Variants in KIF2C observed in about 807,000 individuals in gnomAD.
The protein encoded by KIF2C is kinesin family member 2C.
KIF2C carries 34 observed loss-of-function variants against 97.4 expected under a neutral mutation model. The ratio of observed to expected loss-of-function variants is 0.35; its 90% CI spans 0.27 to 0.46. The LOEUF is 0.46. Ranked by LOEUF, KIF2C falls within the 20% of genes least tolerant of loss-of-function variation. The pLI, the probability that KIF2C is intolerant of heterozygous loss-of-function variation, is 1.00. For synonymous variants in KIF2C, 313 were observed against 318.2 expected, an observed-to-expected ratio of 0.98 and a Z score of 0.17; for missense variants, 750 against 907.6, an observed-to-expected ratio of 0.83 and a Z score of 2.23.
Position 44,745,908 on chromosome 1 carries a change from G to A in KIF2C, c.166-1476G>A, listed in dbSNP as rs542776408. 3.3e-5 allele frequency among the ~76,000 whole-genome samples: 5 copies of A among 150,242 alleles called. No homozygotes were observed. In the South Asian group the frequency reaches 8.4e-4, roughly 25 times the overall value. On this transcript the variant is annotated intron_variant, in intron 2 of 20. Transcript: ENST00000372224. ...TCTTTTTTTTTTGAGACGGAGTCTC[G>A]CTGTGTCGCCCAGGCTGGAGTGCAG...
In KIF2C at chr1:44,760,431, C is replaced by G. The variant is rs201892340; in HGVS notation, c.1519C>G (p.Arg507Gly). Reference protein sequence around the residue: ...ERGADTSSADRQTRMEGAEIN... With the variant: ...ERGADTSSADGQTRMEGAEIN... ...AGGCGCGGACACTTCCAGTGCTGAC[C>G]GGCAGACCCGCATGGAGGGCGCAGA... is the stretch of plus-strand genomic sequence containing the variant. Residue 507 changes from arginine to glycine, a missense_variant, in exon 15 of 21, where the codon CGG becomes GGG. Transcript: ENST00000372224. The surrounding 1 kb of genome is among the most constrained non-coding windows in gnomAD (Gnocchi z 4.2). 2.8e-4 allele frequency: 453 copies of G among 1,614,072 alleles called. No homozygotes were observed. Among genetic ancestry groups the G allele is most frequent in the Non-Finnish European group, 3.4e-4 (406 of 1,180,052 alleles).
At position 44,747,385 on chromosome 1, in the gene KIF2C, T is replaced by C; in HGVS notation, c.167T>C (p.Ile56Thr). ...GAAACTTTTACTTGCTCCTTGCAGATTGATTTTGATGATGTGGCTGCAATA... is the reference window on the plus strand; with the variant it reads ...GAAACTTTTACTTGCTCCTTGCAGACTGATTTTGATGATGTGGCTGCAATA... Reference protein sequence around the residue: ...AEGGATKGKEIDFDDVAAINP... With the variant: ...AEGGATKGKETDFDDVAAINP... Residue 56 changes from isoleucine to threonine, a missense_variant and splice_region_variant, in exon 3 of 21, where the codon ATT (isoleucine) becomes ACT (threonine). By Grantham distance (89) the Ile-to-Thr change is moderately conservative. Transcript: ENST00000372224. The C allele has an allele frequency of 1.2e-6, 2 of 1,608,474 alleles. No homozygotes were observed. Among genetic ancestry groups the C allele is most frequent in the Non-Finnish European group, 1.7e-6 (2 of 1,177,608 alleles).
At chr1:44,766,420 T>C (rs1650466792) in intron 19 of KIF2C, among the ~76,000 whole-genome samples, 1 of 151,960 alleles carries the variant, frequency 6.6e-6, no homozygotes, top group Admixed American at 6.6e-5. Context: ...GAGATCAGCC[T>C]GGCCAACATG....
chr1:44,754,380 A>G (rs1649704209), intron 7 of KIF2C, among the ~76,000 whole-genome samples: 1 of 152,186 alleles, frequency 6.6e-6, no homozygotes, highest in African/African-American at 2.4e-5. Context: ...CGTGATGGCC[A>G]GAGGGGCTGC....
chr1:44,754,786 C>G lies in KIF2C; in HGVS notation c.700C>G (p.Arg234Gly). The change falls in exon 8 of 21, where the codon CGA becomes GGA. Residue 234 changes from arginine (R) to glycine (G), a missense_variant. Physicochemically the swap from Arg to Gly is moderately radical, Grantham distance 125. Transcript: ENST00000372224. ...DSSFPNWEFA[R>G]MIKEFRATLE... ...TAGTTTTCCAAACTGGGAATTTGCC[C>G]GAATGATTAAAGAATTTCGGGCTAC... 1 of 1,613,402 alleles carries G rather than the reference C, an allele frequency of 6.2e-7. No individual in the cohort carries two copies.
At position 44,753,833 on chromosome 1, in the gene KIF2C, G is replaced by C. The variant is rs1170332755; in HGVS notation, c.663G>C (p.Gln221His). 1 of 1,594,234 alleles carries C rather than the reference G, an allele frequency of 6.3e-7. No homozygotes were observed. Among genetic ancestry groups the C allele is most frequent in the Non-Finnish European group, 8.6e-7 (1 of 1,168,458 alleles). Residue 221 changes from glutamine to histidine, a missense_variant and splice_region_variant, in exon 7 of 21, where the codon CAG becomes CAC. Physicochemically the swap from Gln to His is conservative, Grantham distance 24 (BLOSUM62 0). Coordinates refer to ENST00000372224, the MANE Select transcript of KIF2C (RefSeq NM_006845.4). The part of the protein sequence containing the change: ...QNSEMRMKRA[Q>H]EYDSSFPNWE... The stretch of plus-strand genomic sequence containing the variant: ...CTGAAATGAGAATGAAGAGAGCTCA[G>C]GTACCTTTCTTGGGAGACTAGGGTA...
chr1:44,764,559 G>C (rs916059272), intron 19 of KIF2C, among the ~76,000 whole-genome samples: 2 of 151,782 alleles, frequency 1.3e-5, no homozygotes, highest in Admixed American at 6.6e-5. Flanking sequence ...CCCCAGGCTG[G>C]AGTGCAACGG....
chr1:44,766,616 GAAAC>G lies in KIF2C; in HGVS notation c.1972-206_1972-203del, dbSNP rs148289000. Among the ~76,000 whole-genome samples, 525 of 152,142 alleles carry G rather than the reference GAAAC, an allele frequency of 3.5e-3. 2 individuals are homozygous for G. The highest frequency in any genetic ancestry group is 0.012 in the African/African-American group (501 of 41,506). ...ACAAGAGTGAAACTGTCTCAAAAAA[GAAAC>G]AAAGAAAACGAAAAAAACAAGCTTG... On this transcript the variant is annotated intron_variant, in intron 19 of 20. Coordinates refer to ENST00000372224, the MANE Select transcript of KIF2C (RefSeq NM_006845.4).
rs574148762 is a variant in KIF2C at position 44,760,793 on chromosome 1, C to T, written c.1683+91C>T. On this transcript the variant is annotated intron_variant, in intron 16 of 20. Coordinates refer to ENST00000372224, the MANE Select transcript of KIF2C (RefSeq NM_006845.4). This position sits in a 1 kb window ranked among gnomAD's most constrained non-coding sequence, Gnocchi z 4.2. ...TAGTCCTGTCCCTGGGCTGGAAGCT[C>T]AGCACTGCTGGCTGCCTGGGTTTCC... The T allele has an allele frequency of 1.9e-6, 2 of 1,078,420 alleles. No individual in the cohort carries two copies. Among genetic ancestry groups the T allele is most frequent in the East Asian group, 4.9e-5 (2 of 40,434 alleles). 66.8% of individuals were successfully genotyped at this position (1,078,420 alleles called of 1,614,324 possible).
chr1:44,747,456 C>G lies in KIF2C; in HGVS notation c.238C>G (p.Leu80Val). 1 of 1,609,276 alleles carries G rather than the reference C, an allele frequency of 6.2e-7. No homozygotes were observed. The highest frequency in any genetic ancestry group is 2.2e-5 in the East Asian group (1 of 44,876). Residue 80 changes from leucine to valine, a missense_variant, in exon 3 of 21, where the codon CTG (leucine) becomes GTG (valine). Transcript: ENST00000372224. ...QLLPLHPKDN[L>V]PLQENVTIQK... Reference sequence around the variant, plus strand: ...TCTTCCCTTACATCCGAAGGACAATCTGCCCTTGCAGGAAAATGTAACAAT... The same window carrying G: ...TCTTCCCTTACATCCGAAGGACAATGTGCCCTTGCAGGAAAATGTAACAAT...
chr1:44,753,368 G>A lies in KIF2C; in HGVS notation c.562+114G>A, dbSNP rs920157419. On this transcript the variant is annotated intron_variant, in intron 6 of 20. Transcript: ENST00000372224. ...GAGTTCAAGCCCTGTTTGTCACGTG[G>A]GGGCATGTTTTCCTCTGGCCATGGA... 5 of 1,204,792 alleles carry A rather than the reference G, an allele frequency of 4.2e-6. No homozygotes were observed. In the East Asian group the frequency reaches 1.0e-4, roughly 25 times the overall value. The allele number at this position is 1,204,792 out of a possible 1,614,324, so 74.6% of individuals were successfully genotyped here. A position where few individuals can be genotyped will look rare whatever the true frequency, so the allele number is the denominator to read the frequency against.
intron 19 of KIF2C, among the ~76,000 whole-genome samples, chr1:44,763,868 T>A (rs1327073612): frequency 6.6e-6 from 1 of 152,038 alleles, no homozygotes; most frequent in Non-Finnish European, 1.5e-5. Flanking sequence ...ACCCCATGTC[T>A]ACTAAATACA....
intron 19 of KIF2C, among the ~76,000 whole-genome samples, chr1:44,764,682 T>C (rs1044583166): frequency 6.6e-6 from 1 of 152,004 alleles, no homozygotes; most frequent in Non-Finnish European, 1.5e-5. Context: ...GCTAATTTTG[T>C]ATTTTTAGTA....
chr1:44,756,647 G>A (rs1035634699), intron 10 of KIF2C, among the ~76,000 whole-genome samples: 4 of 148,706 alleles, frequency 2.7e-5, no homozygotes, highest in African/African-American at 9.9e-5. Flanking sequence ...CCGCCTCCCA[G>A]GTTCCAGCGA....
At chr1:44,751,048 C>T (rs1039151862) in intron 5 of KIF2C, among the ~76,000 whole-genome samples, 4 of 152,136 alleles carry the variant, frequency 2.6e-5, no homozygotes, top group African/African-American at 4.8e-5. Context: ...AGAACACACT[C>T]ATGTAACTAA....
intron 4 of KIF2C, among the ~76,000 whole-genome samples, 196 bp downstream of exon 4, chr1:44,747,896 A>G (rs951910436): frequency 6.6e-6 from 1 of 152,238 alleles, no homozygotes; most frequent in African/African-American, 2.4e-5. Flanking sequence ...GACCTGGTGC[A>G]TTTAGGAAAT....
chr1:44,744,792 C>G (rs1022819897), intron 2 of KIF2C, among the ~76,000 whole-genome samples: 1 of 152,074 alleles, frequency 6.6e-6, no homozygotes, highest in Admixed American at 6.6e-5. Flanking sequence ...CCCAGCTACT[C>G]AGGAGGCTGA....
chr1:44,760,312 C>G lies in KIF2C; in HGVS notation c.1400C>G (p.Ser467Cys), dbSNP rs1650069331. The G allele has an allele frequency of 1.2e-6, 2 of 1,614,022 alleles. No individual in the cohort carries two copies. The highest frequency in any genetic ancestry group is 2.7e-5 in the African/African-American group (2 of 74,924). ...GGGCAGACATTTGCCAACTCCAATTCCTCCCGCTCCCACGCGTGCTTCCAA... is the reference window on the plus strand; with the variant it reads ...GGGCAGACATTTGCCAACTCCAATTGCTCCCGCTCCCACGCGTGCTTCCAA... ...TSGQTFANSN[S>C]SRSHACFQII... Residue 467 changes from serine to cysteine, a missense_variant, in exon 15 of 21, where the codon TCC becomes TGC. Ser to Cys is a moderately radical substitution (Grantham distance 112). Transcript: ENST00000372224. The surrounding 1 kb of genome is among the most constrained non-coding windows in gnomAD (Gnocchi z 4.2).
intron 4 of KIF2C, among the ~76,000 whole-genome samples, chr1:44,748,828 C>T (rs369743379): frequency 5.9e-5 from 9 of 151,370 alleles, no homozygotes; most frequent in East Asian, 1.9e-4. Context: ...ATTGCAGGCG[C>T]GAGCCACCAT....
Sources: allele counts gnomAD v4.1 joint callset (sites outside exome capture counted in the v4.1 genomes callset), GRCh38; gene constraint gnomAD v4.1.1; non-coding constraint Gnocchi (gnomAD v3.1); transcripts MANE v1.5; gene names NCBI Gene and HGNC (gene_info 2026-07-23, HGNC 2026-07-21).